The following CNTNAP2 variants were observed in gnomAD, a reference collection of about 807,000 sequenced individuals.
The protein encoded by CNTNAP2 is contactin associated protein 2.
In CNTNAP2, 98 loss-of-function variants were observed where a neutral mutation model predicts 155.2. The observed-to-expected ratio is 0.63, with a 90% CI of 0.54 to 0.75. CNTNAP2 has a LOEUF of 0.75. Among genes scored for constraint, CNTNAP2 ranks in the 30% least tolerant of loss-of-function variants. The pLI is 0.00. For missense variants in CNTNAP2, 1,727 were observed against 1,688.1 expected (o/e 1.02, Z -0.40); for synonymous variants, 651 against 631.2 (o/e 1.03, Z -0.47).
chr7:146,396,803 T>A (rs962734070), intron 1 of CNTNAP2, among the ~76,000 whole-genome samples: 5 of 151,678 alleles, frequency 3.3e-5, no homozygotes, highest in African/African-American at 9.7e-5. Context: ...TTTTATTTTT[T>A]AAATATATAT....
chr7:147,665,142 C>T (rs918145650), intron 13 of CNTNAP2, among the ~76,000 whole-genome samples: 1 of 152,176 alleles, frequency 6.6e-6, no homozygotes, highest in African/African-American at 2.4e-5. Context: ...CTGAAACCTA[C>T]CCCACCAAGT....
At chr7:147,915,084 A>G (rs1585026127) in intron 14 of CNTNAP2, among the ~76,000 whole-genome samples, 1 of 152,238 alleles carries the variant, frequency 6.6e-6, no homozygotes, top group Non-Finnish European at 1.5e-5. Flanking sequence ...ATAAAAAATA[A>G]GAATCCTAGC....
chr7:146,993,464 G>T (rs1430950699), intron 3 of CNTNAP2, among the ~76,000 whole-genome samples: 1 of 152,114 alleles, frequency 6.6e-6, no homozygotes, highest in Non-Finnish European at 1.5e-5. Flanking sequence ...AACTCCTGCT[G>T]ATTGCATCAC....
At chr7:147,150,661 A>C (rs1801806674) in intron 8 of CNTNAP2, among the ~76,000 whole-genome samples, 2 of 152,180 alleles carry the variant, frequency 1.3e-5, no homozygotes, top group Admixed American at 6.5e-5. Context: ...AAAACTGAAA[A>C]ATATTGTTAT....
chr7:148,294,287 A>C (rs1797243338), intron 21 of CNTNAP2, among the ~76,000 whole-genome samples: 1 of 152,206 alleles, frequency 6.6e-6, no homozygotes, highest in African/African-American at 2.4e-5. Context: ...TCCTTTATTC[A>C]TTCATTCAGA....
intron 3 of CNTNAP2, among the ~76,000 whole-genome samples, chr7:146,851,665 T>C (rs1455111384): frequency 2.7e-5 from 2 of 73,960 alleles, no homozygotes; most frequent in Admixed American, 2.8e-4. Flanking sequence ...TGTGTGTGTG[T>C]GTGTGTGTGT....
At chr7:146,338,188 G>A (rs1185553328) in intron 1 of CNTNAP2, among the ~76,000 whole-genome samples, 1 of 152,052 alleles carries the variant, frequency 6.6e-6, no homozygotes, top group Non-Finnish European at 1.5e-5. Flanking sequence ...CCTGTCCAAA[G>A]TACACACATA....
intron 11 of CNTNAP2, among the ~76,000 whole-genome samples, chr7:147,511,221 T>G (rs1314006177): frequency 6.6e-6 from 1 of 152,032 alleles, no homozygotes; most frequent in African/African-American, 2.4e-5. Context: ...ATTATGTCAG[T>G]GACAAAAGGT....
At chr7:147,219,515 C>T (rs932161558) in intron 8 of CNTNAP2, among the ~76,000 whole-genome samples, 10 of 152,154 alleles carry the variant, frequency 6.6e-5, no homozygotes, top group Non-Finnish European at 1.2e-4. Context: ...ACTAAGCACA[C>T]CTCTTCATTC....
intron 1 of CNTNAP2, among the ~76,000 whole-genome samples, chr7:146,380,297 A>G (rs543865745): frequency 3.3e-5 from 5 of 152,214 alleles, no homozygotes; most frequent in Admixed American, 2.6e-4. Flanking sequence ...TTATTTGAGT[A>G]TTTTGAAATA....
chr7:146,756,146 ATAAG>A (rs1801991855), intron 1 of CNTNAP2, among the ~76,000 whole-genome samples: 1 of 152,018 alleles, frequency 6.6e-6, no homozygotes, highest in Non-Finnish European at 1.5e-5. Flanking sequence ...CCTGCAAAAA[ATAAG>A]TAATTTTGAC....
intron 2 of CNTNAP2, among the ~76,000 whole-genome samples, chr7:146,828,070 C>A (rs961571312): frequency 5.3e-4 from 80 of 151,934 alleles, no homozygotes; most frequent in African/African-American, 1.9e-3. Flanking sequence ...AGTATAAAAA[C>A]ATCATAAAAA....
At chr7:146,930,000 G>C (rs1017247485) in intron 3 of CNTNAP2, among the ~76,000 whole-genome samples, 5 of 152,174 alleles carry the variant, frequency 3.3e-5, no homozygotes, top group African/African-American at 1.2e-4. Flanking sequence ...ATGGAACCAA[G>C]TTGGAAAACA....
At chr7:148,126,046 G>A (rs144594075) in intron 16 of CNTNAP2, among the ~76,000 whole-genome samples, 23 of 152,198 alleles carry the variant, frequency 1.5e-4, no homozygotes, top group East Asian at 7.7e-4. Flanking sequence ...TTAGAGGTAC[G>A]AACAATATGC....
chr7:147,636,210 A>G (rs1437114287), intron 12 of CNTNAP2, among the ~76,000 whole-genome samples: 1 of 152,168 alleles, frequency 6.6e-6, no homozygotes, highest in African/African-American at 2.4e-5. Context: ...CATGGGGGAC[A>G]CTGTAACTGA....
chr7:146,318,333 C>T (rs1030026119), intron 1 of CNTNAP2, among the ~76,000 whole-genome samples: 1 of 151,992 alleles, frequency 6.6e-6, no homozygotes, highest in Non-Finnish European at 1.5e-5. Context: ...AAAAAGCTTT[C>T]ATCTTAAAAC....
chr7:146,662,230 C>T (rs904345024), intron 1 of CNTNAP2, among the ~76,000 whole-genome samples: 2 of 152,028 alleles, frequency 1.3e-5, no homozygotes, highest in African/African-American at 2.4e-5. Context: ...CTCCACCTCC[C>T]GGGTTCAAGC....
In CNTNAP2 at chr7:148,011,125, T is replaced by A. The variant is rs1052764153; in HGVS notation, c.2383+33136T>A. ...CATCCATTTACAATGTAAAAGTCAA[T>A]AGCTTCTGTTTTTTGAAATTATATG... On this transcript the variant is annotated intron_variant, in intron 15 of 23. Coordinates refer to ENST00000361727, the MANE Select transcript of CNTNAP2 (RefSeq NM_014141.6). 3.3e-5 allele frequency among the ~76,000 whole-genome samples: 5 copies of A among 152,240 alleles called. 1 individual carries two copies. In the Middle Eastern group the frequency reaches 0.017, roughly 518 times the overall value.
intron 4 of CNTNAP2, among the ~76,000 whole-genome samples, chr7:147,091,754 C>G (rs1321681834): frequency 2.0e-5 from 3 of 152,090 alleles, no homozygotes; most frequent in Non-Finnish European, 4.4e-5. Context: ...TACAGGTCCC[C>G]TCCATCATGC....
Sources: allele counts gnomAD v4.1 joint callset (sites outside exome capture counted in the v4.1 genomes callset), GRCh38; gene constraint gnomAD v4.1.1; transcripts MANE v1.5; gene names NCBI Gene and HGNC (gene_info 2026-07-23, HGNC 2026-07-21).